The following DOCK8 variants were observed in gnomAD, a reference collection of about 807,000 sequenced individuals.
The protein encoded by DOCK8 is dedicator of cytokinesis 8, also known as dedicator of cytokinesis protein 8.
In DOCK8, 141 loss-of-function variants were observed where a neutral mutation model predicts 245.6. The ratio of observed to expected loss-of-function variants is 0.57; its 90% CI spans 0.50 to 0.66. The LOEUF is 0.66. Ranked by LOEUF, DOCK8 falls within the 30% of genes least tolerant of loss-of-function variation. DOCK8 has a pLI of 0.00. For synonymous variants in DOCK8, 1,168 were observed against 970.2 expected, an observed-to-expected ratio of 1.20 and a Z score of -3.79; for missense variants, 2,965 against 2,603.4, an observed-to-expected ratio of 1.14 and a Z score of -3.02.
At chr9:276,725 G>C (rs607418) in intron 2 of DOCK8, among the ~76,000 whole-genome samples, 42,677 of 152,096 alleles carry the variant, frequency 0.28, 7,458 homozygotes, top group East Asian at 0.43. Flanking sequence ...AGACCCTCTG[G>C]TGCCAGCCAC....
At chr9:285,795 C>G (rs2048800174) in intron 2 of DOCK8, among the ~76,000 whole-genome samples, 2 of 152,182 alleles carry the variant, frequency 1.3e-5, no homozygotes, top group South Asian at 4.2e-4. Context: ...GTAAATTTAG[C>G]TATATGAAAA....
At position 340,223 on chromosome 9, in the gene DOCK8, G is replaced by A. The variant is rs369887523; in HGVS notation, c.1581G>A (p.Met527Ile). ...EIINCCLTPEMLPVKPFPENR... is the reference protein window; with the variant it reads ...EIINCCLTPEILPVKPFPENR... ...TCAATTGCTGTCTGACTCCTGAAAT[G>A]CTGCCCGTGAAACCCTTTCCTGAAA... is the stretch of plus-strand genomic sequence containing the variant. The change falls in exon 14 of 48, where the codon ATG becomes ATA. Residue 527 changes from methionine (M) to isoleucine (I), a missense_variant. Physicochemically the swap from Met to Ile is conservative, Grantham distance 10. Transcript: ENST00000432829. 20 of 1,613,960 alleles carry A rather than the reference G, an allele frequency of 1.2e-5. No homozygotes were observed. The highest frequency in any genetic ancestry group is 2.7e-5 in the African/African-American group (2 of 74,872).
chr9:458,116 C>G (rs1262649528), intron 46 of DOCK8: 4 of 152,158 alleles, frequency 2.6e-5, no homozygotes, highest in African/African-American at 7.2e-5. Flanking sequence ...TTTTCTCTCA[C>G]ATTAAATAAG....
At chr9:325,258 A>G (rs777486213) in intron 7 of DOCK8, among the ~76,000 whole-genome samples, 1 of 152,208 alleles carries the variant, frequency 6.6e-6, no homozygotes, top group Non-Finnish European at 1.5e-5. Flanking sequence ...ATATCTTTGC[A>G]GTTGTGAAAC....
rs2055468288 is a variant in DOCK8 at position 407,142 on chromosome 9, G to T, written c.3530+73G>T. The T allele has an allele frequency of 4.4e-6, 7 of 1,596,856 alleles. No homozygotes were observed. In the South Asian group the frequency reaches 5.6e-5, roughly 13 times the overall value. On this transcript the variant is annotated intron_variant, in intron 28 of 47. Coordinates refer to ENST00000432829, the MANE Select transcript of DOCK8 (RefSeq NM_203447.4). ...GTTCTTTAATAAAATTTGCAGTCTA[G>T]CTTCTCACACTTGGTAAAAAACTCT... is the stretch of plus-strand genomic sequence containing the variant.
chr9:219,271 A>G (rs555118625), intron 1 of DOCK8, among the ~76,000 whole-genome samples: 54 of 152,272 alleles, frequency 3.5e-4, no homozygotes, highest in African/African-American at 1.3e-3. Flanking sequence ...GGAGTTCAAG[A>G]CCGGCCTGGC....
At chr9:303,063 G>A (rs1217999393) in intron 4 of DOCK8, among the ~76,000 whole-genome samples, 1 of 151,592 alleles carries the variant, frequency 6.6e-6, no homozygotes, top group African/African-American at 2.4e-5. Flanking sequence ...GGGAGGCTGA[G>A]GTGGGAAGAT....
Position 255,152 on chromosome 9 carries a change from A to G in DOCK8, c.54-16475A>G, listed in dbSNP as rs531010000. Among the ~76,000 whole-genome samples the G allele has an allele frequency of 2.6e-5, 4 of 152,332 alleles. No homozygotes were observed. The South Asian group carries it at 8.3e-4, about 32-fold the overall frequency. ...AAGAAAAAAAGAGAACAGTCTCAAT[A>G]TATAAAAGGAAAGGTTTTCATATAT... On this transcript the variant is annotated intron_variant, in intron 1 of 47. Coordinates refer to ENST00000432829, the MANE Select transcript of DOCK8 (RefSeq NM_203447.4).
chr9:343,341 A>T (rs1191736980), intron 14 of DOCK8, among the ~76,000 whole-genome samples: 1 of 152,112 alleles, frequency 6.6e-6, no homozygotes, highest in Non-Finnish European at 1.5e-5. Flanking sequence ...AAAACATTTT[A>T]AAAATTGCCC....
chr9:367,977 T>G, intron 14 of DOCK8, 41 bp from the exon 15 acceptor site: 2 of 1,520,776 alleles, frequency 1.3e-6, no homozygotes, highest in Non-Finnish European at 1.8e-6. Context: ...TAAAATAAAC[T>G]CTAGACCTTT....
intron 1 of DOCK8, among the ~76,000 whole-genome samples, chr9:221,093 A>C (rs547584104): frequency 6.6e-6 from 1 of 152,250 alleles, no homozygotes; most frequent in African/African-American, 2.4e-5. Flanking sequence ...ATAGACGAAA[A>C]ACAGATTGAC....
chr9:341,425 C>T lies in DOCK8; in HGVS notation c.1679+1104C>T, dbSNP rs1378803713. Among the ~76,000 whole-genome samples the T allele has an allele frequency of 3.3e-5, 5 of 152,178 alleles. No individual in the cohort carries two copies. The East Asian group carries it at 9.6e-4, about 29-fold the overall frequency. ...CCTTTAATGCAGAAAAGGATGCCTT[C>T]TATAAAAATCATCTCTTCCCCACCA... On this transcript the variant is annotated intron_variant, in intron 14 of 47. Coordinates refer to ENST00000432829, the MANE Select transcript of DOCK8 (RefSeq NM_203447.4).
chr9:239,120 A>C (rs1158279319), intron 1 of DOCK8, among the ~76,000 whole-genome samples: 1 of 152,232 alleles, frequency 6.6e-6, no homozygotes, highest in African/African-American at 2.4e-5. Context: ...TGTTATAACT[A>C]AATGACTTTG....
At chr9:395,976 C>G (rs1331880720) in intron 24 of DOCK8, among the ~76,000 whole-genome samples, 1 of 151,798 alleles carries the variant, frequency 6.6e-6, no homozygotes, top group African/African-American at 2.4e-5. Flanking sequence ...ACAGTATACA[C>G]CAGTTTGTGT....
intron 28 of DOCK8, among the ~76,000 whole-genome samples, chr9:414,060 T>C (rs553786330): frequency 6.6e-6 from 1 of 151,548 alleles, no homozygotes; most frequent in Admixed American, 6.6e-5. Context: ...AAGAATTGCT[T>C]GAACCCAGGA....
chr9:382,305 C>T (rs907841009), intron 21 of DOCK8, among the ~76,000 whole-genome samples: 1 of 152,150 alleles, frequency 6.6e-6, no homozygotes, highest in Non-Finnish European at 1.5e-5. Flanking sequence ...TTACCATGAT[C>T]TCCACCACTC....
rs1229002194 is a variant in DOCK8 at position 358,070 on chromosome 9, C to CTATT, written c.1680-9933_1680-9930dup. Among the ~76,000 whole-genome samples, 5 of 152,220 alleles carry CTATT rather than the reference C, an allele frequency of 3.3e-5. No individual in the cohort carries two copies. In the East Asian group the frequency reaches 7.7e-4, roughly 24 times the overall value. ...TTTCACATTTATGAACCTTCTCATT[C>CTATT]TATTTATTTATTTATTTACTTACTT... On this transcript the variant is annotated intron_variant, in intron 14 of 47. Transcript: ENST00000432829.
chr9:305,146 A>G (rs1358602826), intron 5 of DOCK8, among the ~76,000 whole-genome samples: 1 of 152,250 alleles, frequency 6.6e-6, no homozygotes, highest in Non-Finnish European at 1.5e-5. Flanking sequence ...CCCCTGGGAA[A>G]CAAGGATGGT....
intron 46 of DOCK8, among the ~76,000 whole-genome samples, chr9:459,501 AAT>A (rs1419589564): frequency 4.6e-5 from 7 of 152,324 alleles, no homozygotes; most frequent in Non-Finnish European, 1.0e-4. Context: ...AAGAAAATTT[AAT>A]TATTATGCAT....
Sources: allele counts gnomAD v4.1 joint callset (sites outside exome capture counted in the v4.1 genomes callset), GRCh38; gene constraint gnomAD v4.1.1; transcripts MANE v1.5; gene names NCBI Gene and HGNC (gene_info 2026-07-23, HGNC 2026-07-21).